The following PID1 variants were observed in gnomAD, a reference collection of about 807,000 sequenced individuals.
The protein encoded by PID1 is phosphotyrosine interaction domain containing 1.
PID1 carries 10 observed loss-of-function variants against 19.1 expected under a neutral mutation model. The ratio of observed to expected loss-of-function variants is 0.52; its 90% CI spans 0.32 to 0.89. The LOEUF (loss-of-function observed/expected upper bound fraction) is 0.89. PID1 is among the 40% of genes least tolerant of loss of function. The pLI is 0.03. For missense variants in PID1, 248 were observed against 285.3 expected (o/e 0.87, Z 0.94); for synonymous variants, 130 against 116.0 (o/e 1.12, Z -0.78).
chr2:229,245,842 A>G lies in PID1; in HGVS notation c.30+25172T>C, dbSNP rs180784836. ...CTAAAACTTCCCTGAAAATTTCCCAATTCCTAGTTCTACCCTGTTCCCATT... is the reference window on the plus strand; with the variant it reads ...CTAAAACTTCCCTGAAAATTTCCCAGTTCCTAGTTCTACCCTGTTCCCATT... On this transcript the variant is annotated intron_variant, in intron 1 of 2. Transcript: ENST00000392055. Among the ~76,000 whole-genome samples the G allele has an allele frequency of 2.3e-3, 347 of 152,238 alleles. 3 individuals are homozygous for G. The highest frequency in any genetic ancestry group is 7.9e-3 in the African/African-American group (330 of 41,552).
intron 1 of PID1, among the ~76,000 whole-genome samples, chr2:229,235,938 G>A (rs1692318399): frequency 6.6e-6 from 1 of 152,194 alleles, no homozygotes; most frequent in Non-Finnish European, 1.5e-5. Context: ...TTGTGGCAAA[G>A]TTGGCAAAAC....
chr2:229,065,140 A>T (rs576941788), intron 2 of PID1, among the ~76,000 whole-genome samples: 3 of 152,198 alleles, frequency 2.0e-5, no homozygotes, highest in Non-Finnish European at 4.4e-5. Flanking sequence ...CTGAATGGTA[A>T]GTATCCAGGA....
intron 1 of PID1, among the ~76,000 whole-genome samples, chr2:229,156,840 A>G (rs537008469): frequency 8.9e-4 from 135 of 152,226 alleles, no homozygotes; most frequent in Non-Finnish European, 1.6e-3. Context: ...CTCTGATTTC[A>G]TCCTCCATCC....
intron 2 of PID1, among the ~76,000 whole-genome samples, chr2:229,029,657 T>C (rs1450288134): frequency 6.6e-6 from 1 of 151,814 alleles, no homozygotes; most frequent in Non-Finnish European, 1.5e-5. Context: ...CTGATTAACA[T>C]GATGAAACTC....
intron 1 of PID1, among the ~76,000 whole-genome samples, chr2:229,245,526 C>T (rs1021586305): frequency 6.6e-6 from 1 of 152,136 alleles, no homozygotes; most frequent in African/African-American, 2.4e-5. Flanking sequence ...AAAATTCTTA[C>T]AAATTCTTAA....
intron 1 of PID1, among the ~76,000 whole-genome samples, chr2:229,167,076 A>C (rs77814029): frequency 0.07 from 10,576 of 151,324 alleles, 1,033 homozygotes; most frequent in African/African-American, 0.22. Flanking sequence ...GAAGAAACGA[A>C]AGAAGGGAGG....
chr2:229,200,553 C>T (rs571746392), intron 1 of PID1, among the ~76,000 whole-genome samples: 2 of 152,132 alleles, frequency 1.3e-5, no homozygotes, highest in South Asian at 2.1e-4. Flanking sequence ...ACCCCCACTA[C>T]ACTGGCAGCT....
chr2:229,162,673 A>G (rs1690513817), intron 1 of PID1, among the ~76,000 whole-genome samples: 1 of 152,242 alleles, frequency 6.6e-6, no homozygotes, highest in South Asian at 2.1e-4. Context: ...AGTGCACAGA[A>G]AACACTAGGG....
intron 1 of PID1, among the ~76,000 whole-genome samples, chr2:229,257,840 C>T (rs554099684): frequency 2.8e-4 from 43 of 152,254 alleles, no homozygotes; most frequent in South Asian, 6.2e-4. Context: ...TTTTCAGTTG[C>T]CATATTCCTG....
intron 2 of PID1, among the ~76,000 whole-genome samples, chr2:229,116,049 C>T (rs182270771): frequency 5.3e-5 from 8 of 151,970 alleles, no homozygotes; most frequent in African/African-American, 9.7e-5. Context: ...CGGTAAAACC[C>T]CGTCTCTACT....
intron 2 of PID1, among the ~76,000 whole-genome samples, chr2:229,146,525 T>TG (rs1690137774): frequency 9.4e-5 from 14 of 148,622 alleles, no homozygotes; most frequent in African/African-American, 3.2e-4. Context: ...TGTGAACATT[T>TG]TGTGTGTGTG....
At chr2:229,120,686 T>C (rs769970709) in intron 2 of PID1, among the ~76,000 whole-genome samples, 1 of 151,854 alleles carries the variant, frequency 6.6e-6, no homozygotes, top group Non-Finnish European at 1.5e-5. Flanking sequence ...ATGGTTTGGA[T>C]ATCATTTGTC....
At chr2:229,038,693 T>C (rs1259441375) in intron 2 of PID1, among the ~76,000 whole-genome samples, 2 of 152,230 alleles carry the variant, frequency 1.3e-5, no homozygotes, top group Non-Finnish European at 2.9e-5. Context: ...CAATTGCTTA[T>C]ATATTTTTCT....
chr2:229,184,925 A>G (rs1318255649), intron 1 of PID1, among the ~76,000 whole-genome samples: 1 of 142,288 alleles, frequency 7.0e-6, no homozygotes, highest in African/African-American at 2.6e-5. Context: ...TATCCTACAT[A>G]TGTATCCCAT....
chr2:229,081,304 C>T (rs1007882228), intron 2 of PID1, among the ~76,000 whole-genome samples: 2 of 152,158 alleles, frequency 1.3e-5, no homozygotes, highest in African/African-American at 4.8e-5. Flanking sequence ...GATTACTATG[C>T]TTAAGAAGCT....
At chr2:229,235,483 A>G in intron 1 of PID1, among the ~76,000 whole-genome samples, 1 of 122,110 alleles carries the variant, frequency 8.2e-6, no homozygotes, top group Non-Finnish European at 1.8e-5. Flanking sequence ...GTGATTTGCA[A>G]TATGTTTATG....
chr2:229,059,180 T>C (rs1044730192), intron 2 of PID1, among the ~76,000 whole-genome samples: 2 of 152,102 alleles, frequency 1.3e-5, no homozygotes, highest in African/African-American at 4.8e-5. Flanking sequence ...AGAAACAGAA[T>C]AGAATTGATG....
At chr2:229,097,280 T>C (rs1469513588) in intron 2 of PID1, among the ~76,000 whole-genome samples, 3 of 152,354 alleles carry the variant, frequency 2.0e-5, no homozygotes, top group Non-Finnish European at 2.9e-5. Flanking sequence ...ATATGTGCTA[T>C]GTTCTTTGTC....
intron 1 of PID1, chr2:229,262,879 G>T (rs1690495597): frequency 6.5e-7 from 1 of 1,529,296 alleles, no homozygotes; most frequent in African/African-American, 1.4e-5. Flanking sequence ...CCGCTTCTGT[G>T]TCTGCAAATC....
Sources: allele counts gnomAD v4.1 joint callset (sites outside exome capture counted in the v4.1 genomes callset), GRCh38; gene constraint gnomAD v4.1.1; transcripts MANE v1.5; gene names NCBI Gene and HGNC (gene_info 2026-07-23, HGNC 2026-07-21).